The following ZMIZ1 variants were observed in gnomAD, a reference collection of about 807,000 sequenced individuals.
The protein encoded by ZMIZ1 is zinc finger MIZ domain-containing protein 1.
ZMIZ1 carries 17 observed loss-of-function variants against 113.9 expected under a neutral mutation model. That is an observed-to-expected ratio of 0.15 (90% CI 0.10 to 0.22). The LOEUF is 0.22. ZMIZ1 is among the 10% of genes least tolerant of loss of function. The pLI, the probability that ZMIZ1 is intolerant of heterozygous loss-of-function variation, is 1.00. For missense variants in ZMIZ1, 1,059 were observed against 1,477.8 expected (o/e 0.72, Z 4.65); for synonymous variants, 607 against 603.1 (o/e 1.01, Z -0.09).
At chr10:79,170,976 G>C (rs1202048931) in intron 4 of ZMIZ1, among the ~76,000 whole-genome samples, 1 of 152,198 alleles carries the variant, frequency 6.6e-6, no homozygotes, top group African/African-American at 2.4e-5. Flanking sequence ...CCGAGGGGCT[G>C]CCTGCTCCTG....
chr10:79,293,414 A>G lies in ZMIZ1; in HGVS notation c.991A>G (p.Met331Val), dbSNP rs1480404666. The G allele has an allele frequency of 3.9e-6, 6 of 1,520,346 alleles. No individual in the cohort carries two copies. The highest frequency in any genetic ancestry group is 5.3e-6 in the Non-Finnish European group (6 of 1,135,244). The allele number at this position is 1,520,346 out of a possible 1,614,324, so 94.2% of individuals were successfully genotyped here. A position where few individuals can be genotyped will look rare whatever the true frequency, so the allele number is the denominator to read the frequency against. Residue 331 changes from methionine to valine, a missense_variant, in exon 12 of 25, where the codon ATG becomes GTG. Met to Val is a conservative substitution (Grantham distance 21). This residue lies in a region of ZMIZ1 where 83 missense variants were observed against 103.7 expected (regional missense o/e 0.80). Coordinates refer to ENST00000334512, the MANE Select transcript of ZMIZ1 (RefSeq NM_020338.4). ...CACCCAGGCGTATAACAGCCAATTC[A>G]TGAACCAGCCCGGGCCGCGGGGGCC... is the stretch of plus-strand genomic sequence containing the variant. Reference protein sequence around the residue: ...GPTQAYNSQFMNQPGPRGPAS... With the variant: ...GPTQAYNSQFVNQPGPRGPAS...
chr10:79,098,352 C>T (rs1266297735), intron 1 of ZMIZ1, among the ~76,000 whole-genome samples: 1 of 152,160 alleles, frequency 6.6e-6, no homozygotes, highest in East Asian at 1.9e-4. Context: ...CACAAGCACT[C>T]TGGAGCTAGA....
rs751961170 is a variant in ZMIZ1, at chr10:79,292,263, G to GGCA, written c.876_878dup (p.Ala293dup). 1.1e-5 allele frequency: 17 copies of GGCA among 1,611,728 alleles called. No homozygotes were observed. Among genetic ancestry groups the GGCA allele is most frequent in the Non-Finnish European group, 1.4e-5 (17 of 1,179,478 alleles). Reference sequence around the variant, plus strand: ...CGGCAGCCGCTGCAGCAGCGGCAGTGGCAGCAGCAGCAGCCACAGCTACAG... The same window carrying GGCA: ...CGGCAGCCGCTGCAGCAGCGGCAGTGGCAGCAGCAGCAGCAGCCACAGCTACAG... On this transcript the variant is annotated inframe_insertion, in exon 11 of 25. Transcript: ENST00000334512.
At chr10:79,293,726 G>A (rs759904826) in intron 12 of ZMIZ1, 73 bp downstream of exon 12, 57 of 1,605,946 alleles carry the variant, frequency 3.5e-5, no homozygotes, top group Non-Finnish European at 4.2e-5. Flanking sequence ...CCGTGGGTAC[G>A]GCTTTGGAAG....
chr10:79,188,531 C>T (rs1847447623), intron 4 of ZMIZ1, among the ~76,000 whole-genome samples: 1 of 152,196 alleles, frequency 6.6e-6, no homozygotes, highest in Non-Finnish European at 1.5e-5. Context: ...TCCGATCTTT[C>T]TGTGGCTTCT....
chr10:79,128,415 G>A (rs577029292), intron 2 of ZMIZ1, among the ~76,000 whole-genome samples: 3 of 152,248 alleles, frequency 2.0e-5, no homozygotes, highest in Non-Finnish European at 4.4e-5. Context: ...AAATCCAGCT[G>A]TGTGACCATA....
intron 2 of ZMIZ1, among the ~76,000 whole-genome samples, chr10:79,137,034 G>A (rs1218115681): frequency 6.6e-6 from 1 of 152,216 alleles, no homozygotes; most frequent in African/African-American, 2.4e-5. Flanking sequence ...GGAATTTGTT[G>A]TGATTTCTTT....
At chr10:79,139,157 G>A (rs899241613) in intron 2 of ZMIZ1, among the ~76,000 whole-genome samples, 1 of 152,204 alleles carries the variant, frequency 6.6e-6, no homozygotes, top group Non-Finnish European at 1.5e-5. Context: ...AAATGGCTCC[G>A]AGTGTTGGTC....
At chr10:79,232,654 GA>G (rs931087435) in intron 7 of ZMIZ1, among the ~76,000 whole-genome samples, 1 of 152,140 alleles carries the variant, frequency 6.6e-6, no homozygotes, top group African/African-American at 2.4e-5. Flanking sequence ...ACCTTTATGT[GA>G]AACCCTAACA....
rs1465470223 is a variant in ZMIZ1 at position 79,079,621 on chromosome 10, AGGGCCTGGCACTGGGGCCG to A, written c.-337+10355_-337+10373del. ...TGTGAAGCGACTTGACCAAGGCCAC[AGGGCCTGGCACTGGGGCCG>A]GGGGGGTCCAGGGAATGATGAGTGA... On this transcript the variant is annotated intron_variant, in intron 1 of 24. Transcript: ENST00000334512. Among the ~76,000 whole-genome samples, 6 of 151,088 alleles carry A rather than the reference AGGGCCTGGCACTGGGGCCG, an allele frequency of 4.0e-5. No homozygotes were observed. The South Asian group carries it at 6.4e-4, about 16-fold the overall frequency.
intron 7 of ZMIZ1, among the ~76,000 whole-genome samples, chr10:79,268,702 T>G (rs1851751063): frequency 6.6e-6 from 1 of 152,146 alleles, no homozygotes; most frequent in Non-Finnish European, 1.5e-5. Context: ...GGCCCAAGAT[T>G]CGTGTCTGCA....
intron 24 of ZMIZ1, 44 bp from the exon 25 acceptor site, chr10:79,312,598 C>T (rs779328018): frequency 1.2e-5 from 19 of 1,608,536 alleles, no homozygotes; most frequent in Non-Finnish European, 1.5e-5. Context: ...GGGCCTGCCT[C>T]TCAGGCACAC....
At chr10:79,174,856 A>C (rs1217922330) in intron 4 of ZMIZ1, among the ~76,000 whole-genome samples, 1 of 152,234 alleles carries the variant, frequency 6.6e-6, no homozygotes, top group African/African-American at 2.4e-5. Flanking sequence ...AACTGAGGAC[A>C]TAAGGGGCTT....
At chr10:79,280,377 C>T (rs920758319) in intron 8 of ZMIZ1, among the ~76,000 whole-genome samples, 14 of 152,102 alleles carry the variant, frequency 9.2e-5, no homozygotes, top group African/African-American at 3.1e-4. Context: ...TTGGCTCAAG[C>T]GATTCTCCCA....
At chr10:79,305,046 GTTTC>G (rs1854587586) in intron 19 of ZMIZ1, 114 bp from the exon 20 acceptor site, 1 of 1,167,628 alleles carries the variant, frequency 8.6e-7, no homozygotes, top group Non-Finnish European at 1.3e-6. Flanking sequence ...CCAGCCCGGG[GTTTC>G]TCCCACAGCC....
intron 3 of ZMIZ1, among the ~76,000 whole-genome samples, chr10:79,154,336 C>T (rs191052434): frequency 1.4e-4 from 22 of 152,264 alleles, no homozygotes; most frequent in Admixed American, 1.3e-3. Context: ...CCATTTAATG[C>T]TGCAGGGCAT....
intron 4 of ZMIZ1, among the ~76,000 whole-genome samples, chr10:79,190,578 A>AAT (rs1554865802): frequency 2.6e-5 from 4 of 152,230 alleles, no homozygotes; most frequent in African/African-American, 4.8e-5. Flanking sequence ...GAAATTAAAA[A>AAT]ATATATATAT....
chr10:79,255,538 G>A lies in ZMIZ1; in HGVS notation c.281-21643G>A, dbSNP rs774670200. 3.9e-5 allele frequency among the ~76,000 whole-genome samples: 6 copies of A among 152,130 alleles called. 1 individual carries two copies. The highest frequency in any genetic ancestry group is 4.1e-4 in the South Asian group (2 of 4,828). ...TCCTAACCATCTCTGTCTTGAGCCCGGGCATTCACCAGCGTCCCTGCCCGC... is the reference window on the plus strand; with the variant it reads ...TCCTAACCATCTCTGTCTTGAGCCCAGGCATTCACCAGCGTCCCTGCCCGC... On this transcript the variant is annotated intron_variant, in intron 7 of 24. Coordinates refer to ENST00000334512, the MANE Select transcript of ZMIZ1 (RefSeq NM_020338.4).
intron 4 of ZMIZ1, among the ~76,000 whole-genome samples, chr10:79,184,612 C>G (rs1847272294): frequency 6.6e-6 from 1 of 152,224 alleles, no homozygotes; most frequent in Admixed American, 6.5e-5. Flanking sequence ...CTCTGCCTTC[C>G]CACACCTGAT....
Sources: gnomAD v4.1 joint callset for allele counts (sites outside exome capture counted in the v4.1 genomes callset) on GRCh38, gnomAD v4.1.1 for gene constraint, gnomAD v4.1.1 regional missense constraint, MANE v1.5 for transcripts, NCBI Gene and HGNC (gene_info 2026-07-23, HGNC 2026-07-21) for gene names.